TINCR: variants seen among roughly 807,000 people sequenced by gnomAD.
TINCR encodes the protein TINCR ubiquitin domain containing, also known as TINCR-encoded ubiquitin-like protein.
intron 1 of TINCR, among the ~76,000 whole-genome samples, chr19:5,564,076 G>A (rs1023621252): frequency 1.2e-4 from 18 of 152,062 alleles, no homozygotes; most frequent in African/African-American, 4.1e-4. Flanking sequence ...CTGCTGCCTC[G>A]AGGCAGAAAA....
rs867061659 is a variant in TINCR, at chr19:5,563,850, G to A, written c.261-901C>T. Among the ~76,000 whole-genome samples the A allele has an allele frequency of 1.6e-4, 25 of 152,282 alleles. No homozygotes were observed. The highest frequency in any genetic ancestry group is 5.8e-4 in the African/African-American group (24 of 41,562). On this transcript the variant is annotated intron_variant, in intron 1 of 1. Transcript: ENST00000646160. This position sits in a 1 kb window ranked among gnomAD's most constrained non-coding sequence, Gnocchi z 4.7. ...GAATCGCTTGAACCCGGGAGGCAGA[G>A]GTTGCAGTGAGCCGAGATTGCGCCA...
rs2052110780 is a variant in TINCR at position 5,563,321 on chromosome 19, C to T, written c.261-372G>A. Among the ~76,000 whole-genome samples the T allele has an allele frequency of 6.6e-6, 1 of 151,570 alleles. No individual in the cohort carries two copies. The highest frequency in any genetic ancestry group is 2.1e-4 in the South Asian group (1 of 4,780). On this transcript the variant is annotated intron_variant, in intron 1 of 1. Coordinates refer to ENST00000646160, the Ensembl canonical transcript of TINCR. The surrounding 1 kb of genome is among the most constrained non-coding windows in gnomAD (Gnocchi z 4.7). ...TTGTAGGGGACAAGGGCAGGGGCTG[C>T]GGACCTTGGTGGGGGGCAACTGGGC...
At chr19:5,561,952 C>G (rs551390797), downstream of TINCR, 4 of 152,398 alleles carry the variant, frequency 2.6e-5, no homozygotes, top group Admixed American at 2.6e-4. Flanking sequence ...AGGCCAGAAG[C>G]ATAAGTGTAT....
rs1312445880 is a variant in TINCR at position 5,564,876 on chromosome 19, C to G, written c.261-1927G>C. On this transcript the variant is annotated intron_variant, in intron 1 of 1. Coordinates refer to ENST00000646160, the Ensembl canonical transcript of TINCR. ...TGCAGGTGTGAACCATTGCGCCCAGCCAAAACTGTCTCCTCTGAAGGCTTC... is the reference window on the plus strand; with the variant it reads ...TGCAGGTGTGAACCATTGCGCCCAGGCAAAACTGTCTCCTCTGAAGGCTTC... 2.0e-5 allele frequency among the ~76,000 whole-genome samples: 3 copies of G among 152,220 alleles called. No individual in the cohort carries two copies. In the East Asian group the frequency reaches 5.8e-4, roughly 29 times the overall value.
chr19:5,562,104 G>A (rs2288947), downstream of TINCR: 70,262 of 152,388 alleles, frequency 0.46, 16,619 homozygotes, highest in East Asian at 0.72. This position sits in a 1 kb window ranked among gnomAD's most constrained non-coding sequence, Gnocchi z 4.4. Flanking sequence ...CTAGGCTCCC[G>A]GGAGGCAGGA....
intron 1 of TINCR, among the ~76,000 whole-genome samples, chr19:5,566,863 G>T (rs759615627): frequency 2.6e-5 from 4 of 151,718 alleles, no homozygotes; most frequent in Non-Finnish European, 5.9e-5. Context: ...ACCAGAGAGG[G>T]AGACAGAAAA....
At chr19:5,567,464 G>A (rs747506292) in intron 1 of TINCR, among the ~76,000 whole-genome samples, 1 of 152,370 alleles carries the variant, frequency 6.6e-6, no homozygotes, top group East Asian at 1.9e-4. Flanking sequence ...GAAACAGGCA[G>A]AGAAACAGGC....
In TINCR at chr19:5,565,715, T is replaced by A. The variant is rs967288626; in HGVS notation, c.260+1950A>T. Among the ~76,000 whole-genome samples, 1 of 152,120 alleles carries A rather than the reference T, an allele frequency of 6.6e-6. No homozygotes were observed. Among genetic ancestry groups the A allele is most frequent in the African/African-American group, 2.4e-5 (1 of 41,430 alleles). Reference sequence around the variant, plus strand: ...GGGGAGGGGGCCTCTCCTGCCCCCATTGCAGCCCCAGACTCCTGCAACGGG... The same window carrying A: ...GGGGAGGGGGCCTCTCCTGCCCCCAATGCAGCCCCAGACTCCTGCAACGGG... On this transcript the variant is annotated intron_variant, in intron 1 of 1. Coordinates refer to ENST00000646160, the Ensembl canonical transcript of TINCR. This position sits in a 1 kb window ranked among gnomAD's most constrained non-coding sequence, Gnocchi z 4.0.
At chr19:5,567,354 C>A (rs886240325) in intron 1 of TINCR, among the ~76,000 whole-genome samples, 1 of 151,014 alleles carries the variant, frequency 6.6e-6, no homozygotes, top group African/African-American at 2.4e-5. Flanking sequence ...GAGACAGAGA[C>A]AAAAGAAGAA....
rs1050879717 is a variant in TINCR, at chr19:5,565,258, A to G, written c.261-2309T>C. Among the ~76,000 whole-genome samples, 6 of 152,116 alleles carry G rather than the reference A, an allele frequency of 3.9e-5. No homozygotes were observed. Among genetic ancestry groups the G allele is most frequent in the Non-Finnish European group, 8.8e-5 (6 of 68,012 alleles). ...GCACAGGCTGTTCCTACTGCCTGGA[A>G]CACCCTTCCCTGACTCTCTGTTTAA... On this transcript the variant is annotated intron_variant, in intron 1 of 1. Transcript: ENST00000646160. The surrounding 1 kb of genome is among the most constrained non-coding windows in gnomAD (Gnocchi z 4.0).
Position 5,563,451 on chromosome 19 carries a change from T to C in TINCR, c.261-502A>G, listed in dbSNP as rs1479473626. Among the ~76,000 whole-genome samples the C allele has an allele frequency of 6.6e-6, 1 of 152,062 alleles. No individual in the cohort carries two copies. Among genetic ancestry groups the C allele is most frequent in the Non-Finnish European group, 1.5e-5 (1 of 67,996 alleles). The stretch of plus-strand genomic sequence containing the variant: ...GAGGGGCTTGGGAGGAAGAGAGGAA[T>C]AGACTGATGTCAATAAAATCAGAAT... On this transcript the variant is annotated intron_variant, in intron 1 of 1. Transcript: ENST00000646160. The surrounding 1 kb of genome is among the most constrained non-coding windows in gnomAD (Gnocchi z 4.7).
chr19:5,565,657 C>G lies in TINCR; in HGVS notation c.260+2008G>C, dbSNP rs1280840191. 2.0e-5 allele frequency among the ~76,000 whole-genome samples: 3 copies of G among 152,124 alleles called. No homozygotes were observed. The East Asian group carries it at 5.8e-4, about 29-fold the overall frequency. ...TCCCTCATCATCCTCTCAGCCTCCCCGTCCCCGCTAAGATCTTCCCTCAAG... is the reference window on the plus strand; with the variant it reads ...TCCCTCATCATCCTCTCAGCCTCCCGGTCCCCGCTAAGATCTTCCCTCAAG... On this transcript the variant is annotated intron_variant, in intron 1 of 1. Coordinates refer to ENST00000646160, the Ensembl canonical transcript of TINCR. This position sits in a 1 kb window ranked among gnomAD's most constrained non-coding sequence, Gnocchi z 4.0.
downstream of TINCR, chr19:5,559,925 C>A (rs750995111): frequency 1.2e-4 from 19 of 152,310 alleles, no homozygotes; most frequent in African/African-American, 4.1e-4. Flanking sequence ...CTCAGGCTAC[C>A]CTCTGCAGAA....
At chr19:5,566,476 G>A (rs547147781) in intron 1 of TINCR, among the ~76,000 whole-genome samples, 5 of 151,292 alleles carry the variant, frequency 3.3e-5, no homozygotes, top group Non-Finnish European at 7.4e-5. Context: ...AGACCAAAAT[G>A]GGCAGAGACA....
chr19:5,564,403 G>A (rs2052117190), intron 1 of TINCR, among the ~76,000 whole-genome samples: 1 of 152,158 alleles, frequency 6.6e-6, no homozygotes, highest in South Asian at 2.1e-4. Context: ...CAGAGAGGGT[G>A]GGTTAGCTGC....
chr19:5,567,372 A>G (rs1212551655), intron 1 of TINCR, among the ~76,000 whole-genome samples: 1 of 152,094 alleles, frequency 6.6e-6, no homozygotes, highest in Non-Finnish European at 1.5e-5. Flanking sequence ...GAAGAGACAG[A>G]GATGAGAGAC....
At chr19:5,562,213 T>C (rs1381632862), downstream of TINCR, 1 of 152,694 alleles carries the variant, frequency 6.5e-6, no homozygotes, top group East Asian at 1.9e-4. This position sits in a 1 kb window ranked among gnomAD's most constrained non-coding sequence, Gnocchi z 4.4. Context: ...CCAGACTACC[T>C]GAAAGAGGGA....
chr19:5,566,021 G>A (rs539440699), intron 1 of TINCR, among the ~76,000 whole-genome samples: 1 of 152,226 alleles, frequency 6.6e-6, no homozygotes, highest in African/African-American at 2.4e-5. Flanking sequence ...ACCCCTCCTT[G>A]GGCCAGAAGA....
chr19:5,561,360 G>A (rs1431720412), downstream of TINCR: 1 of 153,808 alleles, frequency 6.5e-6, no homozygotes, highest in African/African-American at 2.4e-5. Context: ...GCATCAGCTG[G>A]TCAGGCCAGG....
Sources: gnomAD v4.1 joint callset for allele counts (sites outside exome capture counted in the v4.1 genomes callset) on GRCh38, gnomAD v4.1.1 for gene constraint, Gnocchi (gnomAD v3.1) non-coding constraint, MANE v1.5 for transcripts, NCBI Gene and HGNC (gene_info 2026-07-23, HGNC 2026-07-21) for gene names.